The following PHLDB2 variants were observed in gnomAD, a reference collection of about 807,000 sequenced individuals.
PHLDB2 encodes pleckstrin homology-like domain family B member 2.
A neutral mutation model predicts 123.6 loss-of-function variants in PHLDB2; 71 were observed. The ratio of observed to expected loss-of-function variants is 0.57; its 90% CI spans 0.47 to 0.70. The LOEUF (loss-of-function observed/expected upper bound fraction) is 0.70, where lower values mean the gene tolerates loss of function less well. Among genes scored for constraint, PHLDB2 ranks in the 30% least tolerant of loss-of-function variants. The pLI is 0.00. For synonymous variants in PHLDB2, 547 were observed against 541.6 expected (o/e 1.01, Z -0.14); for missense variants, 1,446 against 1,519.5 (o/e 0.95, Z 0.80).
At chr3:111,939,750 G>A in intron 7 of PHLDB2, 120 bp downstream of exon 7, 1 of 993,154 alleles carries the variant, frequency 1.0e-6, no homozygotes, top group Non-Finnish European at 1.4e-6. Flanking sequence ...CCATGTATGT[G>A]GCAAATGGTG....
chr3:111,854,443 T>A (rs1386771719), upstream of PHLDB2, among the ~76,000 whole-genome samples: 4 of 152,238 alleles, frequency 2.6e-5, no homozygotes, highest in African/African-American at 9.6e-5. Context: ...CATTAAATCA[T>A]CATAATATTA....
chr3:111,973,989 G>GA (rs75867931), intron 17 of PHLDB2, among the ~76,000 whole-genome samples, 172 bp downstream of exon 17: 11,224 of 151,916 alleles, frequency 0.074, 616 homozygotes, highest in East Asian at 0.25. Flanking sequence ...TCTCTTTGAG[G>GA]AAAAAAAATA....
chr3:111,956,077 C>T (rs1248468279), intron 12 of PHLDB2, among the ~76,000 whole-genome samples: 2 of 152,146 alleles, frequency 1.3e-5, no homozygotes, highest in Non-Finnish European at 2.9e-5. Context: ...CACCTGTGGT[C>T]CCCACCACTC....
intron 1 of PHLDB2, among the ~76,000 whole-genome samples, chr3:111,733,156 G>A (rs929865896): frequency 1.3e-5 from 2 of 151,962 alleles, no homozygotes; most frequent in African/African-American, 2.4e-5. Context: ...CCATTCACAG[G>A]GCTGTCAACC....
chr3:111,909,258 A>G (rs551464078), intron 2 of PHLDB2, among the ~76,000 whole-genome samples: 1 of 152,304 alleles, frequency 6.6e-6, no homozygotes, highest in East Asian at 1.9e-4. Flanking sequence ...AACTTCTGTT[A>G]TCACTGCTTT....
intron 2 of PHLDB2, among the ~76,000 whole-genome samples, chr3:111,896,181 G>C (rs951626529): frequency 2.0e-5 from 3 of 151,956 alleles, no homozygotes; most frequent in African/African-American, 7.2e-5. Flanking sequence ...TCGAACTCCT[G>C]GCCTCAAGTG....
intron 1 of PHLDB2, among the ~76,000 whole-genome samples, chr3:111,870,687 T>A (rs2108702567): frequency 6.6e-6 from 1 of 152,270 alleles, no homozygotes; most frequent in South Asian, 2.1e-4. Context: ...CTGCTGCCAT[T>A]GGTCACCACA....
At chr3:111,828,315 C>T (rs927647555) in intron 1 of PHLDB2, among the ~76,000 whole-genome samples, 2 of 152,186 alleles carry the variant, frequency 1.3e-5, no homozygotes, top group Non-Finnish European at 2.9e-5. Context: ...TCCTCCTGTG[C>T]ACTGATTGAT....
exon 1 of PHLDB2, chr3:111,732,507 C>A: frequency 2.1e-6 from 2 of 971,128 alleles, no homozygotes; most frequent in Non-Finnish European, 3.1e-6. Flanking sequence ...TGACCACAGT[C>A]TGCAGAGGCC....
At chr3:111,964,506 A>AC (rs2071620816) in intron 13 of PHLDB2, among the ~76,000 whole-genome samples, 1 of 143,572 alleles carries the variant, frequency 7.0e-6, no homozygotes, top group Non-Finnish European at 1.5e-5. Flanking sequence ...CACCTGGCTA[A>AC]TTTTTTTTTT....
At chr3:111,911,479 T>G in intron 2 of PHLDB2, 1 of 709,692 alleles carries the variant, frequency 1.4e-6, no homozygotes, top group South Asian at 2.0e-5. Context: ...TTTTCCAGAT[T>G]GTTGGAGAAG....
At chr3:111,935,855 G>A (rs1478693559) in intron 6 of PHLDB2, among the ~76,000 whole-genome samples, 2 of 152,284 alleles carry the variant, frequency 1.3e-5, no homozygotes, top group South Asian at 4.1e-4. Context: ...CGACTCAAAT[G>A]TTAATCTTTG....
intron 2 of PHLDB2, among the ~76,000 whole-genome samples, chr3:111,891,892 C>T (rs891600057): frequency 2.0e-5 from 3 of 152,170 alleles, no homozygotes; most frequent in Non-Finnish European, 2.9e-5. Context: ...TGAAAGCAAA[C>T]CCTGATGCTT....
At chr3:111,752,558 T>C (rs1576510080) in intron 1 of PHLDB2, among the ~76,000 whole-genome samples, 1 of 151,976 alleles carries the variant, frequency 6.6e-6, no homozygotes, top group East Asian at 1.9e-4. Flanking sequence ...TGTTAGTATA[T>C]AAATGTCAGA....
At chr3:111,772,931 A>T (rs946530608) in intron 1 of PHLDB2, among the ~76,000 whole-genome samples, 25 of 152,324 alleles carry the variant, frequency 1.6e-4, no homozygotes, top group Non-Finnish European at 3.2e-4. Flanking sequence ...AGACGTGAGA[A>T]TTCCTAAGTT....
intron 1 of PHLDB2, among the ~76,000 whole-genome samples, chr3:111,827,552 G>A (rs1037997676): frequency 1.3e-5 from 2 of 152,084 alleles, no homozygotes; most frequent in Admixed American, 1.3e-4. Context: ...GCAGGCGCCT[G>A]TAGTCCCAGC....
chr3:111,931,718 G>A (rs2107571032), intron 5 of PHLDB2, among the ~76,000 whole-genome samples: 1 of 152,318 alleles, frequency 6.6e-6, no homozygotes, highest in South Asian at 2.1e-4. Flanking sequence ...AAGTTCTGAA[G>A]TTTTCCAGAT....
intron 1 of PHLDB2, among the ~76,000 whole-genome samples, chr3:111,872,281 C>A (rs2065377747): frequency 6.6e-6 from 1 of 152,190 alleles, no homozygotes; most frequent in African/African-American, 2.4e-5. Flanking sequence ...TCACTGGGAC[C>A]TCTTTTTTGT....
chr3:111,732,531 A>G (rs570461028), exon 1 of PHLDB2: 1 of 1,217,586 alleles, frequency 8.2e-7, no homozygotes, highest in East Asian at 2.6e-5. Flanking sequence ...GAGAGCAGGA[A>G]AGGAAATGGA....
Sources: allele counts gnomAD v4.1 joint callset (sites outside exome capture counted in the v4.1 genomes callset), GRCh38; gene constraint gnomAD v4.1.1; transcripts MANE v1.5; gene names NCBI Gene and HGNC (gene_info 2026-07-23, HGNC 2026-07-21).